TBC1D32: variants seen among roughly 807,000 people sequenced by gnomAD.
TBC1D32 encodes the protein TBC1 domain family member 32.
Under a neutral mutation model 170.3 loss-of-function variants are expected in TBC1D32, and 151 were observed. The observed-to-expected ratio is 0.89, with a 90% CI of 0.78 to 1.01. The LOEUF (loss-of-function observed/expected upper bound fraction) is 1.01. Among genes scored for constraint, TBC1D32 ranks in the 50% least tolerant of loss-of-function variants. The probability of loss-of-function intolerance (pLI) is 0.00; values close to 1 mark genes in which losing one functional copy is unlikely to be tolerated. For missense variants in TBC1D32, 1,464 were observed against 1,457.1 expected, an observed-to-expected ratio of 1.00 and a Z score of -0.08; for synonymous variants, 498 against 488.0, an observed-to-expected ratio of 1.02 and a Z score of -0.27.
At chr6:121,237,199 C>T (rs1796431990) in intron 20 of TBC1D32, 1 of 151,982 alleles carries the variant, frequency 6.6e-6, no homozygotes, top group Non-Finnish European at 1.5e-5. Context: ...CCATTTAGCA[C>T]ATTTAAGATG....
chr6:121,265,947 G>A (rs1240623396), intron 15 of TBC1D32, among the ~76,000 whole-genome samples: 1 of 152,058 alleles, frequency 6.6e-6, no homozygotes, highest in African/African-American at 2.4e-5. Context: ...AGACTTGAAT[G>A]CAAAACTCAA....
intron 29 of TBC1D32, among the ~76,000 whole-genome samples, chr6:121,111,011 T>C (rs979009791): frequency 1.3e-5 from 2 of 152,120 alleles, no homozygotes; most frequent in African/African-American, 4.8e-5. Flanking sequence ...GCTGCATCAG[T>C]AGAAAGGTGT....
chr6:121,273,631 T>A (rs1460741553), intron 15 of TBC1D32, among the ~76,000 whole-genome samples: 13 of 143,874 alleles, frequency 9.0e-5, no homozygotes, highest in African/African-American at 3.0e-4. Flanking sequence ...GAACTTAAAG[T>A]ATAATTTAAA....
chr6:121,219,860 A>G (rs1794291999), intron 21 of TBC1D32, among the ~76,000 whole-genome samples: 2 of 152,202 alleles, frequency 1.3e-5, no homozygotes, highest in African/African-American at 4.8e-5. Flanking sequence ...TCACAATATT[A>G]CAAACTTTTC....
At chr6:121,319,196 T>C (rs749080519) in intron 2 of TBC1D32, among the ~76,000 whole-genome samples, 24 of 151,844 alleles carry the variant, frequency 1.6e-4, no homozygotes, top group Admixed American at 1.3e-3. Context: ...GGAAATAAAT[T>C]AGGAACCGCT....
chr6:121,249,721 TA>T (rs1798057898), intron 17 of TBC1D32, among the ~76,000 whole-genome samples: 1 of 150,992 alleles, frequency 6.6e-6, no homozygotes, highest in African/African-American at 2.4e-5. Context: ...TTACAACAGC[TA>T]AAAAACAAAA....
chr6:121,086,675 T>G (rs1167056163), intron 31 of TBC1D32, among the ~76,000 whole-genome samples: 1 of 152,204 alleles, frequency 6.6e-6, no homozygotes, highest in African/African-American at 2.4e-5. Context: ...AACCTGATTT[T>G]CACAGAAAGG....
At chr6:121,260,416 C>A (rs1799602741) in intron 15 of TBC1D32, among the ~76,000 whole-genome samples, 1 of 152,146 alleles carries the variant, frequency 6.6e-6, no homozygotes, top group Admixed American at 6.6e-5. Flanking sequence ...CTGAAAAGAA[C>A]CAAAACAGCA....
At chr6:121,114,574 A>G (rs1779506824) in intron 27 of TBC1D32, among the ~76,000 whole-genome samples, 3 of 152,166 alleles carry the variant, frequency 2.0e-5, no homozygotes. Flanking sequence ...TTATAAAAAT[A>G]CCCAGCTTTT....
Position 121,326,147 on chromosome 6 carries a change from C to T in TBC1D32, c.156-4353G>A, listed in dbSNP as rs149058950. On this transcript the variant is annotated intron_variant, in intron 1 of 31. Transcript: ENST00000398212. ...CAAAGGATATATCTGTAATTGAGGC[C>T]GTGAGGAAATTTAACACAAGCACAT... 2.8e-3 allele frequency among the ~76,000 whole-genome samples: 425 copies of T among 152,028 alleles called. 5 individuals carry two copies. The highest frequency in any genetic ancestry group is 9.7e-3 in the African/African-American group (404 of 41,466).
intron 5 of TBC1D32, among the ~76,000 whole-genome samples, chr6:121,306,308 A>G (rs1807314049): frequency 6.6e-6 from 1 of 152,218 alleles, no homozygotes; most frequent in African/African-American, 2.4e-5. Context: ...AATGGTAGAC[A>G]GTAGACTGAT....
chr6:121,323,796 T>A (rs1015631041), intron 1 of TBC1D32, among the ~76,000 whole-genome samples: 9 of 152,026 alleles, frequency 5.9e-5, no homozygotes, highest in African/African-American at 2.2e-4. Context: ...AAAAATTAGC[T>A]GGGCGTGGTG....
intron 15 of TBC1D32, among the ~76,000 whole-genome samples, chr6:121,258,041 A>G (rs1799272651): frequency 7.3e-6 from 1 of 137,238 alleles, no homozygotes; most frequent in Non-Finnish European, 1.6e-5. Context: ...ATAACAAGAG[A>G]AAAATAAGTT....
At chr6:121,142,091 T>C (rs1485938862) in intron 24 of TBC1D32, among the ~76,000 whole-genome samples, 2 of 152,254 alleles carry the variant, frequency 1.3e-5, no homozygotes, top group Non-Finnish European at 2.9e-5. Context: ...ATTAAATCTG[T>C]ACTAAATAAA....
intron 30 of TBC1D32, among the ~76,000 whole-genome samples, chr6:121,104,680 C>T (rs1481141243): frequency 6.6e-6 from 1 of 151,298 alleles, no homozygotes; most frequent in Non-Finnish European, 1.5e-5. Context: ...AAAATTGAAA[C>T]AGATCTCAAA....
intron 22 of TBC1D32, among the ~76,000 whole-genome samples, chr6:121,178,076 T>C (rs1351764057): frequency 6.6e-6 from 1 of 152,070 alleles, no homozygotes; most frequent in Non-Finnish European, 1.5e-5. Flanking sequence ...AGGGAAGAAG[T>C]GCCAGCAGGG....
chr6:121,185,216 T>C (rs1273758), intron 22 of TBC1D32, among the ~76,000 whole-genome samples: 5,724 of 152,094 alleles, frequency 0.038, 368 homozygotes, highest in African/African-American at 0.13. Context: ...TTCTAGCAGG[T>C]ACTAATATAT....
intron 30 of TBC1D32, among the ~76,000 whole-genome samples, chr6:121,091,751 C>A (rs1357006608): frequency 6.6e-6 from 1 of 152,180 alleles, no homozygotes; most frequent in African/African-American, 2.4e-5. Context: ...TAAAGTTGAG[C>A]CCCACTCAAA....
At chr6:121,188,302 G>A (rs1278877341) in intron 22 of TBC1D32, among the ~76,000 whole-genome samples, 1 of 152,088 alleles carries the variant, frequency 6.6e-6, no homozygotes, top group Non-Finnish European at 1.5e-5. Context: ...TTACTAGCAT[G>A]TACTTTGAAA....
Sources: allele counts gnomAD v4.1 joint callset (sites outside exome capture counted in the v4.1 genomes callset), GRCh38; gene constraint gnomAD v4.1.1; transcripts MANE v1.5; gene names NCBI Gene and HGNC (gene_info 2026-07-23, HGNC 2026-07-21).